The following UMAD1 variants were observed in gnomAD, a reference collection of about 807,000 sequenced individuals.
UMAD1 encodes the protein UBAP1-MVB12-associated (UMA)-domain containing protein 1.
In UMAD1, 8 loss-of-function variants were observed where a neutral mutation model predicts 6.1. That is an observed-to-expected ratio of 1.30 (90% CI 0.76 to 2.35). UMAD1 has a LOEUF of 2.35. Among genes scored for constraint, UMAD1 ranks in the 30% most tolerant of loss-of-function variants. UMAD1 has a pLI of 0.00. For missense variants in UMAD1, 130 were observed against 78.4 expected (o/e 1.66, Z -2.49); for synonymous variants, 56 against 31.4 (o/e 1.78, Z -2.61).
At chr7:7,721,476 A>T (rs1232712265) in intron 2 of UMAD1, among the ~76,000 whole-genome samples, 5 of 152,204 alleles carry the variant, frequency 3.3e-5, no homozygotes, top group African/African-American at 1.2e-4. Context: ...TGCCATTAGG[A>T]GCCATTTTTC....
chr7:7,685,820 A>G (rs1255050078), intron 2 of UMAD1: 1 of 152,266 alleles, frequency 6.6e-6, no homozygotes, highest in East Asian at 1.9e-4. Context: ...TGATAGAATT[A>G]TGGTCTTACC....
chr7:7,735,155 TA>T (rs1483653197), intron 2 of UMAD1, among the ~76,000 whole-genome samples: 1 of 152,172 alleles, frequency 6.6e-6, no homozygotes, highest in Non-Finnish European at 1.5e-5. Context: ...TGCCTTAAAT[TA>T]ATATTGTTGC....
At chr7:7,803,086 A>G (rs780094093) in intron 3 of UMAD1, among the ~76,000 whole-genome samples, 3 of 152,240 alleles carry the variant, frequency 2.0e-5, no homozygotes, top group Non-Finnish European at 4.4e-5. Flanking sequence ...GATACTGTGC[A>G]TGGAGCTGAA....
chr7:7,778,271 T>TGAGAGAGAGA (rs1400468435), intron 2 of UMAD1, among the ~76,000 whole-genome samples: 2 of 111,400 alleles, frequency 1.8e-5, no homozygotes, highest in Non-Finnish European at 3.7e-5. Flanking sequence ...TGTGTGTGTG[T>TGAGAGAGAGA]GTGTGAGAGA....
chr7:7,666,179 G>T (rs988229639), intron 1 of UMAD1, among the ~76,000 whole-genome samples: 14 of 125,280 alleles, frequency 1.1e-4, no homozygotes, highest in African/African-American at 3.4e-4. Context: ...ACTTGGGAAA[G>T]TGTTTTTTGT....
At chr7:7,762,365 A>G (rs1781907757) in intron 2 of UMAD1, among the ~76,000 whole-genome samples, 1 of 152,206 alleles carries the variant, frequency 6.6e-6, no homozygotes, top group Non-Finnish European at 1.5e-5. Context: ...AAGTCACAAC[A>G]CATTTTAATA....
At chr7:7,852,231 C>T (rs180992208) in intron 3 of UMAD1, among the ~76,000 whole-genome samples, 94 of 152,272 alleles carry the variant, frequency 6.2e-4, no homozygotes, top group Non-Finnish European at 1.2e-3. Context: ...ACTGTTTTTC[C>T]TCTACTCTCA....
chr7:7,850,296 A>T (rs143846136), intron 3 of UMAD1, among the ~76,000 whole-genome samples: 3,167 of 152,216 alleles, frequency 0.021, 123 homozygotes, highest in African/African-American at 0.072. Context: ...ATTCTTTCAA[A>T]CATATTTAAT....
intron 2 of UMAD1, among the ~76,000 whole-genome samples, chr7:7,723,172 C>A (rs1174677199): frequency 6.6e-6 from 1 of 152,056 alleles, no homozygotes. Flanking sequence ...AGAGTGTGAC[C>A]CATGAGGAGG....
At chr7:7,788,561 G>T (rs906072243) in intron 2 of UMAD1, among the ~76,000 whole-genome samples, 1 of 152,078 alleles carries the variant, frequency 6.6e-6, no homozygotes, top group Non-Finnish European at 1.5e-5. Flanking sequence ...TTTTCAAGCT[G>T]TTAGATTAGG....
At chr7:7,827,233 A>G (rs886166501) in intron 3 of UMAD1, among the ~76,000 whole-genome samples, 1 of 151,324 alleles carries the variant, frequency 6.6e-6, no homozygotes. Flanking sequence ...TGTGTTAATC[A>G]TGTAGTAAAA....
chr7:7,798,030 T>A (rs891093165), intron 2 of UMAD1, among the ~76,000 whole-genome samples: 6 of 152,214 alleles, frequency 3.9e-5, no homozygotes, highest in African/African-American at 1.2e-4. Context: ...GACATATATT[T>A]CTCTAATACA....
At chr7:7,796,665 G>T (rs2115269542) in intron 2 of UMAD1, among the ~76,000 whole-genome samples, 1 of 152,304 alleles carries the variant, frequency 6.6e-6, no homozygotes, top group South Asian at 2.1e-4. Flanking sequence ...CCTGACACTA[G>T]AATCATAAGC....
chr7:7,654,701 G>A (rs966302608), intron 1 of UMAD1, among the ~76,000 whole-genome samples: 1 of 152,040 alleles, frequency 6.6e-6, no homozygotes, highest in African/African-American at 2.4e-5. Flanking sequence ...CTAGGAGTTC[G>A]AGACCAGCCT....
chr7:7,852,342 C>T lies in UMAD1; in HGVS notation c.157-24939C>T, dbSNP rs1173070552. On this transcript the variant is annotated intron_variant, in intron 3 of 3. Transcript: ENST00000682710. ...CAGGCAATTAGTTCTGTAGAAGACA[C>T]CTGCTGGGTGTCCTCCAGTTCAATT... is the stretch of plus-strand genomic sequence containing the variant. 3.3e-5 allele frequency among the ~76,000 whole-genome samples: 5 copies of T among 152,296 alleles called. No homozygotes were observed. The East Asian group carries it at 9.7e-4, about 29-fold the overall frequency.
intron 3 of UMAD1, among the ~76,000 whole-genome samples, chr7:7,832,497 C>T (rs1017382394): frequency 2.6e-5 from 4 of 152,002 alleles, no homozygotes; most frequent in African/African-American, 7.3e-5. Context: ...TCTACTTATA[C>T]GGAAAAGTAG....
chr7:7,703,120 A>G (rs1780504815), intron 2 of UMAD1, among the ~76,000 whole-genome samples: 1 of 152,208 alleles, frequency 6.6e-6, no homozygotes, highest in Admixed American at 6.5e-5. Context: ...GACTCTTCAT[A>G]TAATTGAATA....
chr7:7,801,086 T>C (rs1782790237), intron 2 of UMAD1, among the ~76,000 whole-genome samples: 1 of 152,206 alleles, frequency 6.6e-6, no homozygotes, highest in African/African-American at 2.4e-5. Context: ...GCCAGCCTAC[T>C]CACCAACTTC....
intron 2 of UMAD1, among the ~76,000 whole-genome samples, chr7:7,689,616 C>A (rs10262410): frequency 2.2e-4 from 33 of 151,978 alleles, no homozygotes; most frequent in African/African-American, 6.5e-4. Flanking sequence ...TTTTTCATGC[C>A]CAGACTTCAT....
Sources: gnomAD v4.1 joint callset for allele counts (sites outside exome capture counted in the v4.1 genomes callset) on GRCh38, gnomAD v4.1.1 for gene constraint, MANE v1.5 for transcripts, NCBI Gene and HGNC (gene_info 2026-07-23, HGNC 2026-07-21) for gene names.